DNAH12: variants seen among roughly 807,000 people sequenced by gnomAD.
The protein encoded by DNAH12 is axonemal beta dynein heavy chain 12.
A neutral mutation model predicts 371.5 loss-of-function variants in DNAH12; 285 were observed. That is an observed-to-expected ratio of 0.77 (90% CI 0.70 to 0.85). DNAH12 has a LOEUF of 0.85. Ranked by LOEUF, DNAH12 falls within the 40% of genes least tolerant of loss-of-function variation. DNAH12 has a pLI of 0.00. For missense variants in DNAH12, 3,611 were observed against 3,689.4 expected (o/e 0.98, Z 0.55); for synonymous variants, 1,200 against 1,213.0 (o/e 0.99, Z 0.22).
chr3:57,350,353 T>A (rs2062642579), intron 60 of DNAH12, among the ~76,000 whole-genome samples: 1 of 152,124 alleles, frequency 6.6e-6, no homozygotes, highest in Non-Finnish European at 1.5e-5. Context: ...CACATACACA[T>A]TAATGGAACT....
chr3:57,420,142 CTAAA>C (rs1202290061), intron 36 of DNAH12, among the ~76,000 whole-genome samples: 1 of 152,166 alleles, frequency 6.6e-6, no homozygotes, highest in East Asian at 1.9e-4. Flanking sequence ...GAATCACTGG[CTAAA>C]TAACTGCTGT....
At chr3:57,390,448 T>TACACACATACATATACATATATACAC (rs1575535142) in intron 45 of DNAH12, among the ~76,000 whole-genome samples, 1 of 82,626 alleles carries the variant, frequency 1.2e-5, no homozygotes, top group African/African-American at 3.5e-5. Context: ...TATATATATA[T>TACACACATACATATACATATATACAC]ATACTTAGAC....
chr3:57,555,969 G>T, the DNAH12 span, among the ~76,000 whole-genome samples: 1 of 152,222 alleles, frequency 6.6e-6, no homozygotes, highest in East Asian at 1.9e-4. Context: ...GCAGGGAGGA[G>T]AGCTGGTCAG....
intron 60 of DNAH12, among the ~76,000 whole-genome samples, chr3:57,348,982 CTTAA>C (rs782714798): frequency 3.3e-5 from 5 of 152,004 alleles, no homozygotes; most frequent in Admixed American, 6.6e-5. Flanking sequence ...ATAGATGGGA[CTTAA>C]TTAAACTAAA....
Position 57,428,650 on chromosome 3 carries a change from G to A in DNAH12, c.5236C>T (p.Arg1746Cys), listed in dbSNP as rs921548213. The change falls in exon 34 of 74, where the codon CGT (arginine) becomes TGT (cysteine). Residue 1746 changes from arginine (R) to cysteine (C), a missense_variant. By Grantham distance (180) the Arg-to-Cys change is radical. Around this residue, in one of 3 missense-constraint regions of DNAH12, gnomAD observed 2,266 missense variants for 2,236.9 expected, o/e 1.01. Coordinates refer to ENST00000495027, the MANE Select transcript of DNAH12 (RefSeq NM_001366028.2). ...AWLIPPSLNQRKKKCKELIPT... is the reference protein window; with the variant it reads ...AWLIPPSLNQCKKKCKELIPT... ...AGGATTACCTTGCATTTTTTCTTACGCTGGTTTAAAGAGGGTGGTATTAAC... is the reference window on the plus strand; with the variant it reads ...AGGATTACCTTGCATTTTTTCTTACACTGGTTTAAAGAGGGTGGTATTAAC... 10 of 1,527,806 alleles carry A rather than the reference G, an allele frequency of 6.5e-6. No individual in the cohort carries two copies. Among genetic ancestry groups the A allele is most frequent in the Admixed American group, 4.6e-5 (2 of 43,086 alleles). The allele number at this position is 1,527,806 out of a possible 1,614,324, so 94.6% of individuals were successfully genotyped here.
chr3:57,360,499 A>C (rs1231798255), intron 58 of DNAH12, among the ~76,000 whole-genome samples: 3 of 151,852 alleles, frequency 2.0e-5, no homozygotes, highest in Non-Finnish European at 4.4e-5. Flanking sequence ...GACCAGCCTG[A>C]CCAACATGGA....
In DNAH12 at chr3:57,542,161, G is replaced by C. The variant is rs922592185; in HGVS notation, c.170+540C>G. ...GTTTTAATTTCCACTAAACTGGGGG[G>C]GGGGGGGGCGGTGAGTAGGATGTTG... is the stretch of plus-strand genomic sequence containing the variant. On this transcript the variant is annotated intron_variant, in intron 2 of 73. Coordinates refer to ENST00000495027, the MANE Select transcript of DNAH12 (RefSeq NM_001366028.2). Among the ~76,000 whole-genome samples, 24 of 130,218 alleles carry C rather than the reference G, an allele frequency of 1.8e-4. 1 individual carries two copies. In the South Asian group the frequency reaches 2.5e-3, roughly 13 times the overall value. 85.4% of individuals were successfully genotyped at this position (130,218 alleles called of 152,430 possible).
At position 57,391,930 on chromosome 3, in the gene DNAH12, C is replaced by T. The variant is rs1190833455; in HGVS notation, c.7247G>A (p.Arg2416Gln). The change falls in exon 45 of 74, where the codon CGA (arginine) becomes CAA (glutamine). Residue 2416 changes from arginine to glutamine, a missense_variant. Around this residue, in one of 3 missense-constraint regions of DNAH12, gnomAD observed 2,266 missense variants for 2,236.9 expected, o/e 1.01. Coordinates refer to ENST00000495027, the MANE Select transcript of DNAH12 (RefSeq NM_001366028.2). ...GGATGGGAACTGTCTCAAGCGATTT[C>T]GAAAGGCATCTCCAATGGGGCTAAA... ...VAFSPIGDAF[R>Q]NRLRQFPSLI... The T allele has an allele frequency of 3.3e-5, 5 of 152,824 alleles. No homozygotes were observed. The highest frequency in any genetic ancestry group is 1.2e-4 in the African/African-American group (5 of 41,430). 9.5% of individuals were successfully genotyped at this position (152,824 alleles called of 1,614,324 possible).
intron 30 of DNAH12, among the ~76,000 whole-genome samples, 172 bp downstream of exon 30, chr3:57,436,779 T>C (rs1444796556): frequency 6.6e-6 from 1 of 152,152 alleles, no homozygotes; most frequent in Non-Finnish European, 1.5e-5. Flanking sequence ...TTGTTGGACA[T>C]GTAGTATGAG....
chr3:57,340,342 T>TA (rs1575476326), intron 60 of DNAH12, among the ~76,000 whole-genome samples: 2 of 150,728 alleles, frequency 1.3e-5, no homozygotes, highest in Middle Eastern at 3.4e-3. Flanking sequence ...ACATTGAGAC[T>TA]AAAAAAATAG....
At position 57,452,873 on chromosome 3, in the gene DNAH12, C is replaced by T. The variant is rs569323004; in HGVS notation, c.3756G>A (p.Thr1252=). The change falls in exon 25 of 74, where the codon ACG becomes ACA. Residue 1252 remains threonine (T), a synonymous_variant. Transcript: ENST00000495027. ...YLGNSPRLVI[T]PLTDRCYRTL... is the part of the protein sequence containing the mutation. ...TTCTGTAACACCTGTCAGTTAGAGG[C>T]GTAATGACAAGTCGAGGTGAGTTAC... 5.2e-6 allele frequency: 8 copies of T among 1,549,844 alleles called. No homozygotes were observed. The highest frequency in any genetic ancestry group is 3.6e-5 in the South Asian group (3 of 83,350).
intron 59 of DNAH12, among the ~76,000 whole-genome samples, chr3:57,354,008 A>G (rs953232262): frequency 1.3e-5 from 2 of 152,246 alleles, no homozygotes; most frequent in African/African-American, 4.8e-5. Flanking sequence ...TTGACCCAGC[A>G]GTCCATTATT....
chr3:57,383,916 T>C (rs959176195), intron 49 of DNAH12, among the ~76,000 whole-genome samples: 7 of 152,306 alleles, frequency 4.6e-5, no homozygotes, highest in Admixed American at 3.3e-4. Flanking sequence ...AGGGCTGATG[T>C]TACTGAAAAA....
intron 11 of DNAH12, chr3:57,498,595 A>T: frequency 1.4e-6 from 1 of 715,086 alleles, no homozygotes; most frequent in Non-Finnish European, 2.6e-6. Flanking sequence ...AGAAGACCAT[A>T]GTAACTTTAT....
At chr3:57,434,347 G>T (rs1175577793) in intron 30 of DNAH12, among the ~76,000 whole-genome samples, 1 of 152,154 alleles carries the variant, frequency 6.6e-6, no homozygotes, top group East Asian at 1.9e-4. Flanking sequence ...ACCTCACAGA[G>T]CTCCCTTTTC....
At chr3:57,320,151 T>G (rs1407850640) in intron 65 of DNAH12, among the ~76,000 whole-genome samples, 1 of 152,180 alleles carries the variant, frequency 6.6e-6, no homozygotes, top group Non-Finnish European at 1.5e-5. Context: ...CATCTGTAGC[T>G]TTAACAAGTC....
intron 13 of DNAH12, among the ~76,000 whole-genome samples, chr3:57,474,846 C>T (rs9844963): frequency 0.67 from 101,408 of 151,510 alleles, 34,176 homozygotes; most frequent in South Asian, 0.75. Context: ...CGTGGTGGCG[C>T]GTGCCTGTAG....
chr3:57,417,344 C>T (rs146747619), intron 37 of DNAH12, among the ~76,000 whole-genome samples: 178 of 152,234 alleles, frequency 1.2e-3, no homozygotes, highest in African/African-American at 4.0e-3. Context: ...GTGAGCCAAA[C>T]TATGCTAGTA....
At chr3:57,494,620 T>C (rs1176567431) in intron 11 of DNAH12, among the ~76,000 whole-genome samples, 2 of 152,068 alleles carry the variant, frequency 1.3e-5, no homozygotes, top group African/African-American at 2.4e-5. Context: ...CTACAGGTAC[T>C]AGCCAGTGAA....
Sources: gnomAD v4.1 joint callset for allele counts (sites outside exome capture counted in the v4.1 genomes callset) on GRCh38, gnomAD v4.1.1 for gene constraint, gnomAD v4.1.1 regional missense constraint, MANE v1.5 for transcripts, NCBI Gene and HGNC (gene_info 2026-07-23, HGNC 2026-07-21) for gene names.